Variants in RBM20 observed in about 807,000 individuals in gnomAD.
RBM20 encodes the protein RNA binding motif protein 20.
In RBM20, 51 loss-of-function variants were observed where a neutral mutation model predicts 110.1. That is an observed-to-expected ratio of 0.46 (90% CI 0.37 to 0.59). The LOEUF is 0.59. RBM20 is among the 20% of genes least tolerant of loss of function. The pLI, the probability that RBM20 is intolerant of heterozygous loss-of-function variation, is 0.00. For synonymous variants in RBM20, 589 were observed against 618.2 expected (o/e 0.95, Z 0.70); for missense variants, 1,512 against 1,574.9 (o/e 0.96, Z 0.68).
chr10:110,659,228 G>A (rs2134820138), intron 1 of RBM20, among the ~76,000 whole-genome samples: 1 of 152,292 alleles, frequency 6.6e-6, no homozygotes, highest in African/African-American at 2.4e-5. Context: ...CTGTCTGAAA[G>A]GGCTAGACAG....
At chr10:110,685,942 C>A (rs1862498035) in intron 1 of RBM20, among the ~76,000 whole-genome samples, 1 of 152,192 alleles carries the variant, frequency 6.6e-6, no homozygotes, top group South Asian at 2.1e-4. Context: ...TTTTAAGAGA[C>A]CCTTTAAATC....
At chr10:110,743,401 C>T (rs938022130) in intron 1 of RBM20, among the ~76,000 whole-genome samples, 4 of 152,082 alleles carry the variant, frequency 2.6e-5, no homozygotes, top group Admixed American at 2.0e-4. Flanking sequence ...ACAAGTTTAA[C>T]GTGATATATC....
intron 11 of RBM20, chr10:110,822,537 T>C (rs1844928194): frequency 4.4e-6 from 2 of 454,772 alleles, no homozygotes; most frequent in Admixed American, 2.4e-5. Flanking sequence ...GAGTTTAAAA[T>C]AGGCTAAGCC....
intron 1 of RBM20, among the ~76,000 whole-genome samples, chr10:110,761,746 C>T (rs746545209): frequency 5.3e-5 from 8 of 152,236 alleles, no homozygotes; most frequent in Non-Finnish European, 1.2e-4. Flanking sequence ...CCACCCGCTG[C>T]AGGACATGTC....
Position 110,813,215 on chromosome 10 carries a change from G to A in RBM20, c.2550+268G>A, listed in dbSNP as rs79492956. On this transcript the variant is annotated intron_variant, in intron 9 of 13. Transcript: ENST00000369519. ...TTACGTTATTTGTCCAAGAACACAC[G>A]GTCAGGAAATGGCAGACCCAGAATT... Among the ~76,000 whole-genome samples the A allele has an allele frequency of 5.1e-3, 782 of 152,220 alleles. 5 individuals carry two copies. The highest frequency in any genetic ancestry group is 0.017 in the African/African-American group (712 of 41,526).
At position 110,812,640 on chromosome 10, in the gene RBM20, C is replaced by G. The variant is rs1844786632; in HGVS notation, c.2243C>G (p.Ser748Cys). The G allele has an allele frequency of 6.4e-7, 1 of 1,551,590 alleles. No individual in the cohort carries two copies. The highest frequency in any genetic ancestry group is 8.7e-7 in the Non-Finnish European group (1 of 1,147,014). Residue 748 changes from serine (S) to cysteine (C), a missense_variant, in exon 9 of 14, where the codon TCT becomes TGT. This residue lies in a region of RBM20 where 1,149 missense variants were observed against 1,169.4 expected (regional missense o/e 0.98). Coordinates refer to ENST00000369519, the MANE Select transcript of RBM20 (RefSeq NM_001134363.3). ...PRSGSPNLPH[S>C]VSSYKSREDG... ...TCTGGGTCTCCCAACCTGCCCCACT[C>G]TGTGTCCAGCTACAAAAGCCGTGAA...
intron 1 of RBM20, among the ~76,000 whole-genome samples, chr10:110,746,227 A>C (rs1354887395): frequency 6.6e-6 from 1 of 152,180 alleles, no homozygotes; most frequent in African/African-American, 2.4e-5. Context: ...CTCTGAGGCC[A>C]ATTGAGGTAG....
At chr10:110,753,021 C>T (rs1294080945) in intron 1 of RBM20, among the ~76,000 whole-genome samples, 3 of 145,326 alleles carry the variant, frequency 2.1e-5, no homozygotes, top group Non-Finnish European at 4.5e-5. Flanking sequence ...TCACTGCAAC[C>T]TCTGCCTCCC....
Position 110,812,543 on chromosome 10 carries a change from C to G in RBM20, c.2146C>G (p.Arg716Gly). Residue 716 changes from arginine to glycine, a missense_variant, in exon 9 of 14, where the codon CGG (arginine) becomes GGG (glycine). Physicochemically the swap from Arg to Gly is moderately radical, Grantham distance 125. Around this residue, in one of 3 missense-constraint regions of RBM20, gnomAD observed 1,149 missense variants for 1,169.4 expected, o/e 0.98. Transcript: ENST00000369519. Reference sequence around the variant, plus strand: ...GGCACATGATCGCAAACACCACCCCCGGCAACTGGACAAGGCTGAGTTGGA... The same window carrying G: ...GGCACATGATCGCAAACACCACCCCGGGCAACTGGACAAGGCTGAGTTGGA... Reference protein sequence around the residue: ...PWAHDRKHHPRQLDKAELDER... With the variant: ...PWAHDRKHHPGQLDKAELDER... 6.4e-7 allele frequency: 1 copy of G among 1,551,760 alleles called. No individual in the cohort carries two copies. The highest frequency in any genetic ancestry group is 8.7e-7 in the Non-Finnish European group (1 of 1,147,010).
rs1844783514 is a variant in RBM20 at position 110,812,514 on chromosome 10, C to G, written c.2117C>G (p.Pro706Arg). 6.4e-7 allele frequency: 1 copy of G among 1,551,546 alleles called. No individual in the cohort carries two copies. The highest frequency in any genetic ancestry group is 8.7e-7 in the Non-Finnish European group (1 of 1,146,982). ...NGDDKRDRMD[P>R]WAHDRKHHPR... ...GATGACAAGAGGGACAGGATGGACC[C>G]CTGGGCACATGATCGCAAACACCAC... The change falls in exon 9 of 14, where the codon CCC (proline) becomes CGC (arginine). Residue 706 changes from proline (P) to arginine (R), a missense_variant. Pro to Arg is a moderately radical substitution (Grantham distance 103). Transcript: ENST00000369519.
chr10:110,830,035 G>A (rs1258807583), intron 12 of RBM20, among the ~76,000 whole-genome samples: 1 of 152,228 alleles, frequency 6.6e-6, no homozygotes, highest in Non-Finnish European at 1.5e-5. Context: ...GCACAGTCAG[G>A]TGCCTGGTAA....
chr10:110,713,570 T>G (rs896047867), intron 1 of RBM20, among the ~76,000 whole-genome samples: 3 of 152,170 alleles, frequency 2.0e-5, no homozygotes, highest in Non-Finnish European at 4.4e-5. Flanking sequence ...GCAACTGGGT[T>G]TTTAGGGCAT....
At chr10:110,767,210 G>A (rs1383935729) in intron 1 of RBM20, among the ~76,000 whole-genome samples, 1 of 136,712 alleles carries the variant, frequency 7.3e-6, no homozygotes, top group East Asian at 2.2e-4. Flanking sequence ...GCCGGGCGGG[G>A]GGGCTGACCC....
intron 1 of RBM20, among the ~76,000 whole-genome samples, chr10:110,720,436 A>G (rs933046967): frequency 6.6e-6 from 1 of 152,058 alleles, no homozygotes; most frequent in Non-Finnish European, 1.5e-5. Context: ...TTGCAGTGCA[A>G]CCGCGGGACT....
At chr10:110,720,763 C>T (rs1432787141) in intron 1 of RBM20, among the ~76,000 whole-genome samples, 1 of 151,926 alleles carries the variant, frequency 6.6e-6, no homozygotes, top group Non-Finnish European at 1.5e-5. Context: ...GCCCCTACAG[C>T]CTGCTCTCCC....
intron 7 of RBM20, among the ~76,000 whole-genome samples, chr10:110,808,048 C>G (rs1414068278): frequency 6.6e-6 from 1 of 152,228 alleles, no homozygotes; most frequent in Non-Finnish European, 1.5e-5. Flanking sequence ...TGTGACAGGT[C>G]CTTTCAGGGA....
At chr10:110,646,833 C>T (rs1861875457) in intron 1 of RBM20, among the ~76,000 whole-genome samples, 1 of 152,148 alleles carries the variant, frequency 6.6e-6, no homozygotes, top group Non-Finnish European at 1.5e-5. Context: ...CTACTGTGCT[C>T]GGCTGCAAAA....
intron 1 of RBM20, among the ~76,000 whole-genome samples, chr10:110,655,874 C>G (rs886317351): frequency 1.3e-5 from 2 of 148,460 alleles, no homozygotes; most frequent in Non-Finnish European, 3.0e-5. Context: ...ATTCAGAGGT[C>G]TAATAATAAA....
At chr10:110,727,627 T>C (rs1172144931) in intron 1 of RBM20, among the ~76,000 whole-genome samples, 1 of 152,170 alleles carries the variant, frequency 6.6e-6, no homozygotes, top group African/African-American at 2.4e-5. Flanking sequence ...CAGTTAATTT[T>C]GTATATTTTT....
Sources: gnomAD v4.1 joint callset for allele counts (sites outside exome capture counted in the v4.1 genomes callset) on GRCh38, gnomAD v4.1.1 for gene constraint, gnomAD v4.1.1 regional missense constraint, MANE v1.5 for transcripts, NCBI Gene and HGNC (gene_info 2026-07-23, HGNC 2026-07-21) for gene names.